The following ASTN2 variants were observed in gnomAD, a reference collection of about 807,000 sequenced individuals.
ASTN2 encodes the protein astrotactin 2.
In ASTN2, 54 loss-of-function variants were observed where a neutral mutation model predicts 139.8. The ratio of observed to expected loss-of-function variants is 0.39; its 90% confidence interval spans 0.31 to 0.48. The LOEUF (loss-of-function observed/expected upper bound fraction) is 0.48, where lower values mean the gene tolerates loss of function less well. ASTN2 is among the 20% of genes least tolerant of loss of function. The pLI is 0.95. For synonymous variants in ASTN2, 756 were observed against 719.5 expected (o/e 1.05, Z -0.81); for missense variants, 1,565 against 1,725.1 (o/e 0.91, Z 1.64).
At chr9:116,869,624 G>A (rs1169240665) in intron 10 of ASTN2, among the ~76,000 whole-genome samples, 5 of 152,086 alleles carry the variant, frequency 3.3e-5, no homozygotes, top group African/African-American at 7.2e-5. Context: ...TCCAGCAACC[G>A]TGTAGAGGGT....
In ASTN2 at chr9:117,368,743, T is replaced by C. The variant is rs74984973; in HGVS notation, c.442+45754A>G. 7.6e-3 allele frequency among the ~76,000 whole-genome samples: 1,156 copies of C among 152,306 alleles called. 18 individuals carry two copies. The highest frequency in any genetic ancestry group is 0.026 in the African/African-American group (1,089 of 41,582). On this transcript the variant is annotated intron_variant, in intron 1 of 22. Transcript: ENST00000313400. ...GAAGAACTGATCTGAAAAACTCATATATAAAAATAACATACATTTTTAACA... is the reference window on the plus strand; with the variant it reads ...GAAGAACTGATCTGAAAAACTCATACATAAAAATAACATACATTTTTAACA...
At position 116,440,677 on chromosome 9, in the gene ASTN2, GT is replaced by G. The variant is rs1317592108; in HGVS notation, c.3713del (p.His1238ProfsTer28). 6.2e-7 allele frequency: 1 copy of G among 1,614,182 alleles called. No homozygotes were observed. The highest frequency in any genetic ancestry group is 1.7e-5 in the Admixed American group (1 of 60,028). On this transcript the variant is annotated frameshift_variant, in exon 22 of 23. Transcript: ENST00000313400. LOFTEE classifies it high-confidence loss of function. ...VSASMLFRVQ[H>X]HYNSHYEKFG... ...ACTTTTCATAGTGAGAGTTGTAGTG[GT>G]GCTGGACTCGGAACAGCATCGAGGC... is the stretch of plus-strand genomic sequence containing the variant.
intron 5 of ASTN2, among the ~76,000 whole-genome samples, chr9:117,043,835 G>T (rs1337376029): frequency 6.7e-6 from 1 of 150,258 alleles, no homozygotes; most frequent in Non-Finnish European, 1.5e-5. Context: ...TTGAACCCAG[G>T]AGGTGGAGGT....
chr9:117,102,866 C>T (rs940000890), intron 4 of ASTN2, among the ~76,000 whole-genome samples: 3 of 145,938 alleles, frequency 2.1e-5, no homozygotes, highest in South Asian at 2.2e-4. Flanking sequence ...TCTCACAAAA[C>T]GAAAAAAAGA....
chr9:116,507,968 A>G (rs1384010592), intron 19 of ASTN2, among the ~76,000 whole-genome samples: 1 of 152,104 alleles, frequency 6.6e-6, no homozygotes, highest in African/African-American at 2.4e-5. Flanking sequence ...GGCTCACCGC[A>G]ACCTCCACCT....
At chr9:116,455,625 A>G in intron 20 of ASTN2, among the ~76,000 whole-genome samples, 1 of 152,078 alleles carries the variant, frequency 6.6e-6, no homozygotes, top group South Asian at 2.1e-4. Flanking sequence ...ACCTCTTCTT[A>G]GATTGAAGAA....
chr9:117,355,761 C>T (rs1251259347), intron 1 of ASTN2, among the ~76,000 whole-genome samples: 1 of 152,146 alleles, frequency 6.6e-6, no homozygotes, highest in Non-Finnish European at 1.5e-5. Flanking sequence ...CACCCTCTGG[C>T]TACCTCTGAG....
chr9:116,803,522 ATTTTTTTTT>A (rs1158429877), intron 13 of ASTN2, among the ~76,000 whole-genome samples: 27 of 21,126 alleles, frequency 1.3e-3, no homozygotes, highest in East Asian at 3.4e-3. Flanking sequence ...ATATATATAT[ATTTTTTTTT>A]TTTTTTTTTT....
At chr9:116,664,437 GTATATGTA>G (rs1347840393) in intron 16 of ASTN2, among the ~76,000 whole-genome samples, 1 of 147,914 alleles carries the variant, frequency 6.8e-6, no homozygotes, top group South Asian at 2.1e-4. Flanking sequence ...ATATATATAT[GTATATGTA>G]TATATGTATA....
At chr9:116,455,317 C>T (rs1353225352) in intron 20 of ASTN2, among the ~76,000 whole-genome samples, 1 of 146,214 alleles carries the variant, frequency 6.8e-6, no homozygotes, top group East Asian at 2.0e-4. Flanking sequence ...CCACTGCATT[C>T]CAGCCTGGGT....
intron 7 of ASTN2, among the ~76,000 whole-genome samples, chr9:116,983,044 A>G (rs549319184): frequency 4.6e-5 from 7 of 152,252 alleles, no homozygotes; most frequent in African/African-American, 1.7e-4. Context: ...CTGTCATTCT[A>G]TGATTCCATT....
At chr9:116,998,602 C>T (rs1837091761) in intron 7 of ASTN2, among the ~76,000 whole-genome samples, 1 of 152,194 alleles carries the variant, frequency 6.6e-6, no homozygotes, top group Admixed American at 6.5e-5. Context: ...TGCATCCATG[C>T]ATCCAAGAAA....
At chr9:117,072,123 C>G (rs1316952283) in intron 5 of ASTN2, among the ~76,000 whole-genome samples, 1 of 152,120 alleles carries the variant, frequency 6.6e-6, no homozygotes, top group Non-Finnish European at 1.5e-5. Context: ...CACTTCAAGT[C>G]CATGCTCTTA....
At chr9:116,791,137 G>A (rs955753095) in intron 13 of ASTN2, among the ~76,000 whole-genome samples, 3 of 152,156 alleles carry the variant, frequency 2.0e-5, no homozygotes, top group Admixed American at 6.5e-5. Context: ...TTACAGGCGT[G>A]AGCCACCGCA....
chr9:117,396,025 G>A (rs1040680202), intron 1 of ASTN2, among the ~76,000 whole-genome samples: 2 of 152,108 alleles, frequency 1.3e-5, no homozygotes, highest in Non-Finnish European at 2.9e-5. Context: ...ATAAAATAGG[G>A]GATAGTGTGG....
chr9:116,448,256 T>C (rs910496184), intron 20 of ASTN2, among the ~76,000 whole-genome samples: 2 of 152,150 alleles, frequency 1.3e-5, no homozygotes, highest in African/African-American at 4.8e-5. Flanking sequence ...AACTTCCACT[T>C]AGCTCATGCC....
chr9:117,051,834 T>C (rs374820498), intron 5 of ASTN2, among the ~76,000 whole-genome samples: 21 of 152,130 alleles, frequency 1.4e-4, no homozygotes, highest in African/African-American at 5.1e-4. Flanking sequence ...CTGGGTTCCA[T>C]CTACCCCAGC....
intron 19 of ASTN2, among the ~76,000 whole-genome samples, chr9:116,515,194 A>G (rs1463863724): frequency 1.3e-5 from 2 of 152,206 alleles, no homozygotes; most frequent in East Asian, 1.9e-4. Context: ...TCATTTGGAT[A>G]TTAATATGAA....
chr9:116,870,983 G>A (rs1182836425), intron 10 of ASTN2, among the ~76,000 whole-genome samples: 1 of 152,184 alleles, frequency 6.6e-6, no homozygotes, highest in African/African-American at 2.4e-5. Flanking sequence ...CTCAGGGCAG[G>A]CACGGTGCCT....
Sources: allele counts gnomAD v4.1 joint callset (sites outside exome capture counted in the v4.1 genomes callset), GRCh38; gene constraint gnomAD v4.1.1; transcripts MANE v1.5; gene names NCBI Gene and HGNC (gene_info 2026-07-23, HGNC 2026-07-21).